The following BICRAL variants were observed in gnomAD, a reference collection of about 807,000 sequenced individuals.
BICRAL encodes BICRA like chromatin remodeling complex associated protein.
Under a neutral mutation model 91.8 loss-of-function variants are expected in BICRAL, and 8 were observed. The observed-to-expected ratio is 0.09, with a 90% CI of 0.05 to 0.16. The LOEUF (loss-of-function observed/expected upper bound fraction) is 0.16, where lower values mean the gene tolerates loss of function less well. Ranked by LOEUF, BICRAL falls within the 10% of genes least tolerant of loss-of-function variation. The pLI is 1.00. For synonymous variants in BICRAL, 445 were observed against 491.1 expected, an observed-to-expected ratio of 0.91 and a Z score of 1.24; for missense variants, 1,038 against 1,310.9, an observed-to-expected ratio of 0.79 and a Z score of 3.21.
In BICRAL at chr6:42,796,978, G is replaced by A. The variant is rs559846819; in HGVS notation, c.-101-13328G>A. ...GAGAATCACTTGAACCCGGGAGGCA[G>A]AGGTTGCGTGAGCTGAAATCGTGCC... On this transcript the variant is annotated intron_variant, in intron 1 of 12. Transcript: ENST00000314073. 2.0e-5 allele frequency among the ~76,000 whole-genome samples: 3 copies of A among 149,962 alleles called. No homozygotes were observed. In the South Asian group the frequency reaches 6.3e-4, roughly 32 times the overall value.
intron 8 of BICRAL, among the ~76,000 whole-genome samples, chr6:42,854,397 C>A (rs1581634387): frequency 1.3e-5 from 2 of 152,058 alleles, no homozygotes; most frequent in East Asian, 3.9e-4. Flanking sequence ...TTGCTCACAC[C>A]TGTCTCAAAC....
chr6:42,846,672 T>G (rs536269881), intron 6 of BICRAL, among the ~76,000 whole-genome samples: 1 of 152,280 alleles, frequency 6.6e-6, no homozygotes, highest in African/African-American at 2.4e-5. Context: ...CTGCTCAATC[T>G]GGAGCCTTTG....
chr6:42,845,778 T>G (rs371167071), intron 6 of BICRAL, among the ~76,000 whole-genome samples: 2 of 151,888 alleles, frequency 1.3e-5, no homozygotes, highest in South Asian at 4.2e-4. Context: ...AGTTATAGAT[T>G]CCTGGCCGGG....
intron 2 of BICRAL, among the ~76,000 whole-genome samples, chr6:42,815,321 A>T (rs1039915763): frequency 4.7e-5 from 7 of 149,670 alleles, no homozygotes; most frequent in African/African-American, 1.7e-4. Flanking sequence ...TCCCGAGTAG[A>T]TAGGATTACA....
chr6:42,841,133 G>C (rs1764783061), intron 6 of BICRAL, among the ~76,000 whole-genome samples: 1 of 134,934 alleles, frequency 7.4e-6, no homozygotes, highest in Admixed American at 7.5e-5. Flanking sequence ...CACCTATATA[G>C]TACCTATCAT....
chr6:42,841,075 T>A (rs1287462198), intron 6 of BICRAL, among the ~76,000 whole-genome samples: 5 of 85,280 alleles, frequency 5.9e-5, no homozygotes, highest in East Asian at 7.5e-4. Context: ...ACTCAATCTT[T>A]AAAAAAAAAA....
Position 42,752,027 on chromosome 6 carries a change from A to C in BICRAL, c.-261+5004A>C, listed in dbSNP as rs148154867. 3.3e-3 allele frequency among the ~76,000 whole-genome samples: 496 copies of C among 152,292 alleles called. 3 individuals are homozygous for C. The highest frequency in any genetic ancestry group is 0.011 in the African/African-American group (470 of 41,576). The stretch of plus-strand genomic sequence containing the variant: ...ATTCATCTTTCAGCAAGTCTTGACT[A>C]TATATGGGATGTAAAGCATTCATTA... On this transcript the variant is annotated intron_variant, in intron 1 of 14. Transcript: ENST00000614467.
chr6:42,787,200 A>T (rs1254875050), intron 1 of BICRAL, among the ~76,000 whole-genome samples: 1 of 151,916 alleles, frequency 6.6e-6, no homozygotes, highest in East Asian at 1.9e-4. Flanking sequence ...GAGAGGGAGG[A>T]ATCAAGGGTG....
intron 1 of BICRAL, among the ~76,000 whole-genome samples, chr6:42,783,011 A>C (rs115450061): frequency 0.27 from 40,786 of 150,858 alleles, 5,990 homozygotes; most frequent in South Asian, 0.45. Flanking sequence ...GAGGCGGCGG[A>C]GACGGGGTTT....
intron 1 of BICRAL, among the ~76,000 whole-genome samples, chr6:42,788,849 C>T (rs1763183135): frequency 1.3e-5 from 2 of 151,874 alleles, no homozygotes; most frequent in African/African-American, 4.8e-5. Flanking sequence ...GGCTTGGGGC[C>T]ATGAATTTAA....
chr6:42,863,788 G>C (rs1474326161), intron 12 of BICRAL, among the ~76,000 whole-genome samples: 1 of 152,164 alleles, frequency 6.6e-6, no homozygotes, highest in Non-Finnish European at 1.5e-5. Flanking sequence ...AGCACTTTGG[G>C]AGGCCAAGGC....
At position 42,822,959 on chromosome 6, in the gene BICRAL, G is replaced by A; in HGVS notation, c.115G>A (p.Gly39Arg). The change falls in exon 5 of 13, where the codon GGA becomes AGA. Residue 39 changes from glycine (G) to arginine (R), a missense_variant. This residue lies in a region of BICRAL where 115 missense variants were observed against 121.5 expected (regional missense o/e 0.95). Transcript: ENST00000314073. The part of the protein sequence containing the change: ...KSSNDDLTNA[G>R]YSAANSNSIF... ...GAGCAATGATGACTTGACTAATGCA[G>A]GATATTCTGCAGCCAATTCAAATTC... 6.2e-7 allele frequency: 1 copy of A among 1,611,704 alleles called. No individual in the cohort carries two copies. Among genetic ancestry groups the A allele is most frequent in the Admixed American group, 1.7e-5 (1 of 59,994 alleles).
At chr6:42,851,832 G>C (rs1010726450) in intron 6 of BICRAL, among the ~76,000 whole-genome samples, 11 of 152,116 alleles carry the variant, frequency 7.2e-5, no homozygotes, top group Non-Finnish European at 1.6e-4. Context: ...GCAGCCCCGG[G>C]AGCAAGAAAA....
chr6:42,776,604 T>C (rs1762811622), intron 1 of BICRAL, among the ~76,000 whole-genome samples: 1 of 152,158 alleles, frequency 6.6e-6, no homozygotes, highest in African/African-American at 2.4e-5. Flanking sequence ...TGCCTCAGCC[T>C]CCCAAAGTGT....
rs1292897158 is a variant in BICRAL at position 42,822,824 on chromosome 6, C to T, written c.70C>T (p.His24Tyr). 1 of 1,570,500 alleles carries T rather than the reference C, an allele frequency of 6.4e-7. No homozygotes were observed. Among genetic ancestry groups the T allele is most frequent in the South Asian group, 1.1e-5 (1 of 90,060 alleles). ...GDPQALNYFL[H>Y]GPSNKSSNDD... ...CCCACAAGCATTGAACTATTTTCTA[C>T]ATGGACCTAGTAATAAATCTGTAAG... is the stretch of plus-strand genomic sequence containing the variant. The change falls in exon 4 of 13, where the codon CAT (histidine) becomes TAT (tyrosine). Residue 24 changes from histidine to tyrosine, a missense_variant. By Grantham distance (83) the His-to-Tyr change is moderately conservative (BLOSUM62 2). Around this residue, in one of 5 missense-constraint regions of BICRAL, gnomAD observed 115 missense variants for 121.5 expected, o/e 0.95. Coordinates refer to ENST00000314073, the MANE Select transcript of BICRAL (RefSeq NM_001393499.1).
chr6:42,779,028 T>C (rs545434516), upstream of BICRAL, among the ~76,000 whole-genome samples: 62 of 151,820 alleles, frequency 4.1e-4, no homozygotes, highest in African/African-American at 1.4e-3. Flanking sequence ...GGTTTCGCCA[T>C]GTTGGTCAGG....
intron 8 of BICRAL, among the ~76,000 whole-genome samples, chr6:42,854,620 C>T (rs772654115): frequency 1.3e-5 from 2 of 152,138 alleles, no homozygotes; most frequent in Non-Finnish European, 2.9e-5. Context: ...TGGGCTCATG[C>T]GATCCTCCCA....
intron 8 of BICRAL, among the ~76,000 whole-genome samples, chr6:42,855,516 T>C (rs1337691992): frequency 2.6e-5 from 4 of 151,958 alleles, no homozygotes; most frequent in Admixed American, 6.6e-5. Flanking sequence ...CACTCCAGCC[T>C]GGACGACAGA....
intron 1 of BICRAL, among the ~76,000 whole-genome samples, chr6:42,800,888 T>C (rs1171448432): frequency 1.3e-5 from 2 of 151,628 alleles, no homozygotes; most frequent in Non-Finnish European, 2.9e-5. Flanking sequence ...ATGTTACTCA[T>C]TGACAGAGAG....
Sources: gnomAD v4.1 joint callset for allele counts (sites outside exome capture counted in the v4.1 genomes callset) on GRCh38, gnomAD v4.1.1 for gene constraint, gnomAD v4.1.1 regional missense constraint, MANE v1.5 for transcripts, NCBI Gene and HGNC (gene_info 2026-07-23, HGNC 2026-07-21) for gene names.